The following SLC14A2 variants were observed in gnomAD, a reference collection of about 807,000 sequenced individuals.
SLC14A2 encodes the protein solute carrier family 14 member 2, also known as urea transporter 2.
SLC14A2 carries 91 observed loss-of-function variants against 104.6 expected under a neutral mutation model. The observed-to-expected ratio is 0.87, with a 90% CI of 0.73 to 1.04. The LOEUF (loss-of-function observed/expected upper bound fraction) is 1.04. Among genes scored for constraint, SLC14A2 ranks in the 50% least tolerant of loss-of-function variants. SLC14A2 has a pLI of 0.00. For synonymous variants in SLC14A2, 476 were observed against 466.4 expected, an observed-to-expected ratio of 1.02 and a Z score of -0.27; for missense variants, 1,189 against 1,156.0, an observed-to-expected ratio of 1.03 and a Z score of -0.41.
chr18:45,261,182 G>C (rs1463063398), intron 1 of SLC14A2, among the ~76,000 whole-genome samples: 1 of 150,908 alleles, frequency 6.6e-6, no homozygotes. Context: ...CCCCACAACA[G>C]GCCCCGGTGT....
intron 1 of SLC14A2, among the ~76,000 whole-genome samples, chr18:45,618,669 C>CAAAAAA (rs60728655): frequency 2.2e-4 from 11 of 50,684 alleles, no homozygotes; most frequent in East Asian, 1.4e-3. Flanking sequence ...AACTCTGTCT[C>CAAAAAA]AAAAAAAAAA....
intron 2 of SLC14A2, among the ~76,000 whole-genome samples, chr18:45,599,780 G>A (rs1216719299): frequency 3.3e-5 from 5 of 152,228 alleles, no homozygotes; most frequent in Admixed American, 6.5e-5. Flanking sequence ...AGTTCCATGT[G>A]GCTAGGGAAG....
intron 1 of SLC14A2, among the ~76,000 whole-genome samples, chr18:45,472,034 G>A (rs918674740): frequency 3.3e-5 from 5 of 151,734 alleles, no homozygotes; most frequent in African/African-American, 7.3e-5. Flanking sequence ...CCTAGCCCCC[G>A]ACCCCATGAC....
At chr18:45,284,525 G>A (rs2084794616) in intron 1 of SLC14A2, among the ~76,000 whole-genome samples, 1 of 152,138 alleles carries the variant, frequency 6.6e-6, no homozygotes, top group Non-Finnish European at 1.5e-5. Context: ...GTGGCTGCTA[G>A]ACCCTGGGCT....
intron 1 of SLC14A2, among the ~76,000 whole-genome samples, chr18:45,240,006 CTCAT>C (rs891489408): frequency 6.6e-6 from 1 of 151,012 alleles, no homozygotes; most frequent in Non-Finnish European, 1.5e-5. Context: ...ATTTTCTTTA[CTCAT>C]TCATCAGTGG....
chr18:45,435,396 A>C (rs1239046623), intron 1 of SLC14A2: 1 of 152,212 alleles, frequency 6.6e-6, no homozygotes, highest in African/African-American at 2.4e-5. Flanking sequence ...GGTCAATTAC[A>C]TTTATTATTA....
At chr18:45,454,773 T>C (rs560164385) in intron 1 of SLC14A2, among the ~76,000 whole-genome samples, 2 of 152,334 alleles carry the variant, frequency 1.3e-5, no homozygotes, top group Admixed American at 6.5e-5. Context: ...CCTTTCCCCA[T>C]TTCTTGTTTT....
intron 1 of SLC14A2, among the ~76,000 whole-genome samples, chr18:45,396,341 T>A (rs1367859428): frequency 6.6e-6 from 1 of 152,002 alleles, no homozygotes; most frequent in East Asian, 1.9e-4. Flanking sequence ...CAGGGCAGAG[T>A]CCCATGGAAC....
chr18:45,249,674 G>T (rs1268970056), intron 1 of SLC14A2, among the ~76,000 whole-genome samples: 1 of 152,264 alleles, frequency 6.6e-6, no homozygotes. Context: ...ATTTGGCCAG[G>T]CATGGTGGCT....
rs772770304 is a variant in SLC14A2, at chr18:45,673,665, G to A, written c.2378-18G>A. 1.9e-6 allele frequency: 3 copies of A among 1,612,332 alleles called. No individual in the cohort carries two copies. The East Asian group carries it at 6.7e-5, about 36-fold the overall frequency. ...ATAAGACCCTAGACCCAACCCTGAT[G>A]CCTGCCTTCTGTCACAGCACTCACT... On this transcript the variant is annotated intron_variant, in intron 17 of 19. Transcript: ENST00000255226.
intron 2 of SLC14A2, among the ~76,000 whole-genome samples, chr18:45,560,461 C>G (rs1466053463): frequency 6.6e-6 from 1 of 152,092 alleles, no homozygotes; most frequent in East Asian, 1.9e-4. Flanking sequence ...CCTTCTCAGC[C>G]ATGGTCTCCA....
intron 1 of SLC14A2, among the ~76,000 whole-genome samples, chr18:45,624,414 AT>A (rs2045226252): frequency 6.6e-6 from 1 of 152,216 alleles, no homozygotes; most frequent in Admixed American, 6.5e-5. Flanking sequence ...GGATATCTTC[AT>A]CGGCCAAATG....
rs79942235 is a variant in SLC14A2 at position 45,279,328 on chromosome 18, G to A, written c.-125+66137G>A. On this transcript the variant is annotated intron_variant, in intron 1 of 20. Transcript: ENST00000586448. ...TGAAGCATTTCTGATGAATTTACGG[G>A]CAAAGGTGAAGTTTCCTCGTACTGC... 8.5e-5 allele frequency among the ~76,000 whole-genome samples: 13 copies of A among 152,320 alleles called. No individual in the cohort carries two copies. The East Asian group carries it at 2.5e-3, about 29-fold the overall frequency.
intron 10 of SLC14A2, chr18:45,647,651 C>T (rs1034191116): frequency 1.3e-5 from 2 of 152,148 alleles, no homozygotes; most frequent in Non-Finnish European, 2.9e-5. Flanking sequence ...TAGCTGGATA[C>T]TATAGGTTTT....
At chr18:45,247,749 A>G (rs571189793) in intron 1 of SLC14A2, among the ~76,000 whole-genome samples, 2 of 144,052 alleles carry the variant, frequency 1.4e-5, no homozygotes, top group East Asian at 4.0e-4. Flanking sequence ...CTTCTTCAGC[A>G]TTTTTGAACT....
At chr18:45,436,153 G>GT (rs978654689) in intron 1 of SLC14A2, among the ~76,000 whole-genome samples, 2 of 152,138 alleles carry the variant, frequency 1.3e-5, no homozygotes, top group African/African-American at 4.8e-5. Context: ...ATAAATTGGA[G>GT]TAAAATGTCC....
intron 1 of SLC14A2, among the ~76,000 whole-genome samples, chr18:45,367,339 A>G (rs373162177): frequency 4.0e-4 from 61 of 152,288 alleles, no homozygotes; most frequent in African/African-American, 1.4e-3. Context: ...TAGGTTATGG[A>G]AGAATGAGCG....
At chr18:45,551,916 T>C (rs530134451) in intron 2 of SLC14A2, among the ~76,000 whole-genome samples, 1 of 152,228 alleles carries the variant, frequency 6.6e-6, no homozygotes, top group South Asian at 2.1e-4. Context: ...TCAGCTGATA[T>C]TGCCATAAGT....
At chr18:45,524,703 C>T (rs961505784) in intron 2 of SLC14A2, among the ~76,000 whole-genome samples, 13 of 152,194 alleles carry the variant, frequency 8.5e-5, no homozygotes, top group African/African-American at 3.1e-4. Context: ...ATGGAAAGAA[C>T]ACAGGACCGT....
Sources: allele counts gnomAD v4.1 joint callset (sites outside exome capture counted in the v4.1 genomes callset), GRCh38; gene constraint gnomAD v4.1.1; transcripts MANE v1.5; gene names NCBI Gene and HGNC (gene_info 2026-07-23, HGNC 2026-07-21).